Variants in C8B observed in about 807,000 individuals in gnomAD.
C8B encodes complement C8 beta chain, also known as complement component C8 beta chain.
Under a neutral mutation model 64.6 loss-of-function variants are expected in C8B, and 67 were observed. That is an observed-to-expected ratio of 1.04 (90% CI 0.85 to 1.27). The LOEUF (loss-of-function observed/expected upper bound fraction) is 1.27, where lower values mean the gene tolerates loss of function less well. Ranked by LOEUF, C8B falls within the 50% of genes most tolerant of loss-of-function variation. C8B has a pLI of 0.00. For synonymous variants in C8B, 284 were observed against 257.7 expected (o/e 1.10, Z -0.98); for missense variants, 790 against 725.2 (o/e 1.09, Z -1.03).
intron 1 of C8B, among the ~76,000 whole-genome samples, chr1:56,962,634 T>G (rs1388118749): frequency 6.6e-6 from 1 of 152,260 alleles, no homozygotes; most frequent in Admixed American, 6.5e-5. Context: ...ACCCATGTAC[T>G]CACATCCAGA....
Position 56,940,993 on chromosome 1 carries a change from G to T in C8B, c.1254C>A (p.Thr418=), listed in dbSNP as rs1233335602. ...CCAGGACCACCAAGTCCTCCACCAT[G>T]GTGTCCCTCTTGTTTCTGTCTGGAA... ...NEIKDRNKRD[T]MVEDLVVLVR... is the part of the protein sequence containing the mutation. Residue 418 remains threonine, a synonymous_variant, in exon 9 of 12, where the codon ACC becomes ACA. Transcript: ENST00000371237. 1 of 1,614,014 alleles carries T rather than the reference G, an allele frequency of 6.2e-7. No individual in the cohort carries two copies. Among genetic ancestry groups the T allele is most frequent in the Middle Eastern group, 1.7e-4 (1 of 6,060 alleles).
At chr1:56,937,851 C>T (rs1323807616) in intron 9 of C8B, among the ~76,000 whole-genome samples, 1 of 152,136 alleles carries the variant, frequency 6.6e-6, no homozygotes, top group Non-Finnish European at 1.5e-5. Context: ...ATTCTTCACC[C>T]ATTAATGACC....
chr1:56,956,995 G>C (rs1645113799), intron 2 of C8B, 85 bp from the exon 3 acceptor site: 2 of 1,501,068 alleles, frequency 1.3e-6, no homozygotes, highest in Admixed American at 3.5e-5. Flanking sequence ...TGGGTCTTGA[G>C]CCAGGATTTG....
At chr1:56,965,808 C>A in intron 1 of C8B, 49 bp downstream of exon 1, 1 of 1,596,026 alleles carries the variant, frequency 6.3e-7, no homozygotes, top group Non-Finnish European at 8.6e-7. Context: ...GTGGCTGCAC[C>A]TTCCCTGTCA....
At chr1:56,934,350 T>G (rs1644746517) in intron 9 of C8B, among the ~76,000 whole-genome samples, 1 of 152,046 alleles carries the variant, frequency 6.6e-6, no homozygotes, top group Non-Finnish European at 1.5e-5. Flanking sequence ...GTCAGAAGCA[T>G]AGAGGAAGAA....
chr1:56,952,171 C>A lies in C8B; in HGVS notation c.543G>T (p.Leu181Phe). ...CTGGGCCCTCAAAACTGTTTGTGAA[C>A]AAATTTATCCTGTGAGGAAGAGACA... ...GIGSLASGIN[L>F]FTNSFEGPVL... Residue 181 changes from leucine (L) to phenylalanine (F), a missense_variant, in exon 5 of 12, where the codon TTG becomes TTT. Coordinates refer to ENST00000371237, the MANE Select transcript of C8B (RefSeq NM_000066.4). The A allele has an allele frequency of 1.2e-6, 2 of 1,614,144 alleles. No homozygotes were observed. The highest frequency in any genetic ancestry group is 1.3e-5 in the African/African-American group (1 of 75,054).
rs746177242 is a variant in C8B at position 56,956,757 on chromosome 1, A to G, written c.391+12T>C. On this transcript the variant is annotated intron_variant, in intron 3 of 11. Transcript: ENST00000371237. ...TCAGGCTTTCCCCTCTTACTCCTAC[A>G]TTGATTTATACCTGTCTGTGCACAC... 7.1e-5 allele frequency: 114 copies of G among 1,613,658 alleles called. 1 individual carries two copies. The highest frequency in any genetic ancestry group is 7.3e-5 in the Non-Finnish European group (86 of 1,179,914).
chr1:56,961,175 A>G (rs1645174848), intron 1 of C8B, among the ~76,000 whole-genome samples: 1 of 152,138 alleles, frequency 6.6e-6, no homozygotes, highest in Admixed American at 6.5e-5. Flanking sequence ...CTGTAATATG[A>G]AGTGTGTATG....
chr1:56,942,809 C>A (rs1260735190), intron 8 of C8B, among the ~76,000 whole-genome samples: 1 of 152,028 alleles, frequency 6.6e-6, no homozygotes, highest in Non-Finnish European at 1.5e-5. Context: ...GTGGTTCATG[C>A]CTGTAATTCC....
chr1:56,948,708 A>G (rs1430465454), intron 6 of C8B, among the ~76,000 whole-genome samples: 1 of 152,180 alleles, frequency 6.6e-6, no homozygotes, highest in East Asian at 1.9e-4. Context: ...CCCAGGAAGG[A>G]AGCTGATAAG....
At chr1:56,960,508 GA>G (rs1645164118) in intron 1 of C8B, among the ~76,000 whole-genome samples, 1 of 152,208 alleles carries the variant, frequency 6.6e-6, no homozygotes, top group South Asian at 2.1e-4. Context: ...AGCTCTATGG[GA>G]CTTTATCCAG....
intron 4 of C8B, among the ~76,000 whole-genome samples, 155 bp downstream of exon 4, chr1:56,954,531 T>C (rs1331924607): frequency 6.6e-6 from 1 of 152,176 alleles, no homozygotes; most frequent in Non-Finnish European, 1.5e-5. Flanking sequence ...GGAACTGCCC[T>C]CAGAGAGCAA....
rs530428491 is a variant in C8B at position 56,954,675 on chromosome 1, T to A, written c.533+11A>T. The A allele has an allele frequency of 6.8e-6, 11 of 1,614,104 alleles. No individual in the cohort carries two copies. The Admixed American group carries it at 1.2e-4, about 17-fold the overall frequency. The stretch of plus-strand genomic sequence containing the variant: ...CCTTCCCATCTACGCCACAGAAAAA[T>A]GGTCACTTACCCACTGGCCAGACTG... On this transcript the variant is annotated intron_variant, in intron 4 of 11. Transcript: ENST00000371237.
intron 11 of C8B, 135 bp from the exon 12 acceptor site, chr1:56,929,693 C>A: frequency 2.5e-6 from 2 of 816,284 alleles, no homozygotes; most frequent in South Asian, 1.5e-5. Context: ...ATTTTCCTGG[C>A]CATTGTACTT....
At chr1:56,962,352 T>C (rs1274715163) in intron 1 of C8B, among the ~76,000 whole-genome samples, 2 of 152,218 alleles carry the variant, frequency 1.3e-5, no homozygotes, top group African/African-American at 4.8e-5. Context: ...GGTTTATTAG[T>C]ACTATAAAAT....
intron 9 of C8B, among the ~76,000 whole-genome samples, chr1:56,939,957 T>A (rs1427309929): frequency 1.3e-5 from 2 of 152,120 alleles, no homozygotes; most frequent in Non-Finnish European, 2.9e-5. Flanking sequence ...GGGTCGTGAA[T>A]ATATTAGGTG....
chr1:56,959,015 T>A (rs1450203439), intron 2 of C8B, among the ~76,000 whole-genome samples: 1 of 152,214 alleles, frequency 6.6e-6, no homozygotes, highest in Non-Finnish European at 1.5e-5. Flanking sequence ...GAATGACAGA[T>A]ATTGCGGAAA....
At chr1:56,965,813 C>T in intron 1 of C8B, 44 bp downstream of exon 1, 1 of 1,606,578 alleles carries the variant, frequency 6.2e-7, no homozygotes, top group Non-Finnish European at 8.5e-7. Flanking sequence ...TGCACCTTCC[C>T]TGTCATATTA....
At chr1:56,945,116 C>A (rs997232323) in intron 7 of C8B, among the ~76,000 whole-genome samples, 1 of 152,206 alleles carries the variant, frequency 6.6e-6, no homozygotes, top group Admixed American at 6.5e-5. Context: ...GTTAGAAATG[C>A]ACTCTTAGGT....
Sources: gnomAD v4.1 joint callset for allele counts (sites outside exome capture counted in the v4.1 genomes callset) on GRCh38, gnomAD v4.1.1 for gene constraint, MANE v1.5 for transcripts, NCBI Gene and HGNC (gene_info 2026-07-23, HGNC 2026-07-21) for gene names.